Variants in UNC13B observed in about 807,000 individuals in gnomAD.
UNC13B encodes the protein unc-13 homolog B, also known as protein unc-13 homolog B.
Under a neutral mutation model 211.0 loss-of-function variants are expected in UNC13B, and 144 were observed. The ratio of observed to expected loss-of-function variants is 0.68; its 90% CI spans 0.60 to 0.78. UNC13B has a LOEUF of 0.78. Ranked by LOEUF, UNC13B falls within the 30% of genes least tolerant of loss-of-function variation. The pLI, the probability that UNC13B is intolerant of heterozygous loss-of-function variation, is 0.00. For synonymous variants in UNC13B, 709 were observed against 725.8 expected (o/e 0.98, Z 0.37); for missense variants, 1,777 against 2,002.0 (o/e 0.89, Z 2.14).
chr9:35,205,789 C>G (rs1009175724), intron 1 of UNC13B, among the ~76,000 whole-genome samples: 13 of 152,120 alleles, frequency 8.5e-5, no homozygotes, highest in Non-Finnish European at 1.9e-4. Context: ...TTTGTTTATT[C>G]ATTCATCAGT....
intron 10 of UNC13B, among the ~76,000 whole-genome samples, chr9:35,312,201 C>T (rs1830213188): frequency 6.6e-6 from 1 of 152,208 alleles, no homozygotes; most frequent in African/African-American, 2.4e-5. Context: ...AATAAAGCCT[C>T]TCACTGAAAC....
At position 35,403,188 on chromosome 9, in the gene UNC13B, T is replaced by C. The variant is rs1403628762; in HGVS notation, c.12506T>C (p.Val4169Ala). The C allele has an allele frequency of 3.1e-6, 5 of 1,613,942 alleles. No homozygotes were observed. The highest frequency in any genetic ancestry group is 3.3e-5 in the Admixed American group (2 of 60,010). Reference sequence around the variant, plus strand: ...TCAGGGTCTGGTGTGGACGATCCTGTGGGAGAAGTCTCTATTCAGGTGGAC... The same window carrying C: ...TCAGGGTCTGGTGTGGACGATCCTGCGGGAGAAGTCTCTATTCAGGTGGAC... ...TTQGSGVDDP[V>A]GEVSIQVDLF... The change falls in exon 38 of 40, where the codon GTG becomes GCG. Residue 4169 changes from valine to alanine, a missense_variant. By Grantham distance (64) the Val-to-Ala change is moderately conservative (BLOSUM62 0). Transcript: ENST00000635942.
At chr9:35,352,341 C>T in intron 11 of UNC13B, 1 of 1,232,204 alleles carries the variant, frequency 8.1e-7, no homozygotes, top group Non-Finnish European at 1.0e-6. Context: ...CCTAGGCCCA[C>T]TGTTGTGAAG....
intron 36 of UNC13B, 100 bp downstream of exon 36, chr9:35,399,829 C>A: frequency 8.6e-7 from 1 of 1,160,258 alleles, no homozygotes; most frequent in Non-Finnish European, 1.3e-6. Context: ...TCTTAACACT[C>A]CACATCCAGA....
At chr9:35,367,105 G>A (rs1833821769) in intron 12 of UNC13B, 112 bp downstream of exon 12, 2 of 1,101,372 alleles carry the variant, frequency 1.8e-6, no homozygotes, top group Non-Finnish European at 2.7e-6. Context: ...TCCTGGGGAA[G>A]GAAAAGGTTC....
intron 8 of UNC13B, among the ~76,000 whole-genome samples, chr9:35,297,913 C>T (rs1587566473): frequency 1.3e-5 from 2 of 152,010 alleles, no homozygotes; most frequent in Middle Eastern, 3.4e-3. Flanking sequence ...TGGTATATGC[C>T]GTATTTCTCC....
intron 11 of UNC13B, chr9:35,353,617 G>T: frequency 8.1e-7 from 1 of 1,232,162 alleles, no homozygotes; most frequent in South Asian, 4.1e-5. Flanking sequence ...TGGGAAGTGA[G>T]ACTTGTTCCA....
At position 35,163,500 on chromosome 9, in the gene UNC13B, G is replaced by A. The variant is rs574066695; in HGVS notation, c.22+1195G>A. On this transcript the variant is annotated intron_variant, in intron 1 of 39. Transcript: ENST00000635942. ...CTTTCATGGTTGATTTTTCATTAAT[G>A]AGAATTTTGCTTTGCTTTTAGTAAG... Among the ~76,000 whole-genome samples, 34 of 152,298 alleles carry A rather than the reference G, an allele frequency of 2.2e-4. No homozygotes were observed. In the South Asian group the frequency reaches 6.8e-3, roughly 31 times the overall value.
At chr9:35,221,628 G>A (rs1460036940) in intron 1 of UNC13B, among the ~76,000 whole-genome samples, 1 of 152,126 alleles carries the variant, frequency 6.6e-6, no homozygotes, top group Non-Finnish European at 1.5e-5. Flanking sequence ...TTGTCATGGG[G>A]TATTCAGATC....
At chr9:35,268,395 A>G (rs1376789158) in intron 7 of UNC13B, among the ~76,000 whole-genome samples, 7 of 152,146 alleles carry the variant, frequency 4.6e-5, no homozygotes, top group Non-Finnish European at 1.0e-4. Context: ...TGAGGCAGGC[A>G]GATCATGAGG....
chr9:35,253,152 C>G (rs1190778951), intron 6 of UNC13B, among the ~76,000 whole-genome samples: 1 of 151,910 alleles, frequency 6.6e-6, no homozygotes, highest in African/African-American at 2.4e-5. Flanking sequence ...TGCAATCATT[C>G]TTTTTTGGAG....
chr9:35,340,434 C>T (rs184525048), intron 11 of UNC13B, among the ~76,000 whole-genome samples: 28 of 152,290 alleles, frequency 1.8e-4, no homozygotes, highest in Admixed American at 1.8e-3. Flanking sequence ...CTTGGATAAG[C>T]CAAACAAATC....
intron 8 of UNC13B, among the ~76,000 whole-genome samples, chr9:35,297,249 C>T (rs370298662): frequency 4.6e-5 from 7 of 151,888 alleles, no homozygotes; most frequent in East Asian, 3.9e-4. Context: ...CCACCATGCC[C>T]GGCTAATTTT....
At chr9:35,324,435 G>A (rs1483446381) in intron 11 of UNC13B, among the ~76,000 whole-genome samples, 2 of 152,162 alleles carry the variant, frequency 1.3e-5, no homozygotes, top group Non-Finnish European at 2.9e-5. Flanking sequence ...CTTTATTGCA[G>A]ACTTATTTGA....
chr9:35,398,286 G>A lies in UNC13B; in HGVS notation c.11830G>A (p.Glu3944Lys), dbSNP rs773639167. ...EKMFEAMGGK[E>K]LDLEAADSLK... ...AATGTTTGAGGCCATGGGAGGCAAG[G>A]AGGTAGGTCTTAGGGTTTGGGAGTC... is the stretch of plus-strand genomic sequence containing the variant. Residue 3944 changes from glutamate to lysine, a missense_variant and splice_region_variant, in exon 31 of 40, where the codon GAG (glutamate) becomes AAG (lysine). By Grantham distance (56) the Glu-to-Lys change is moderately conservative (BLOSUM62 1). Transcript: ENST00000635942. 3 of 1,613,868 alleles carry A rather than the reference G, an allele frequency of 1.9e-6. No homozygotes were observed. The highest frequency in any genetic ancestry group is 2.7e-5 in the African/African-American group (2 of 75,036).
chr9:35,228,738 G>C (rs1032425211), intron 2 of UNC13B, among the ~76,000 whole-genome samples: 1 of 147,380 alleles, frequency 6.8e-6, no homozygotes, highest in Non-Finnish European at 1.5e-5. Flanking sequence ...GTGTGTGTGT[G>C]TGTGTGTGTG....
At chr9:35,382,041 C>T (rs1834882268) in intron 20 of UNC13B, among the ~76,000 whole-genome samples, 1 of 152,188 alleles carries the variant, frequency 6.6e-6, no homozygotes, top group South Asian at 2.1e-4. Flanking sequence ...TGCTCGTGTA[C>T]ATGTGTTTGT....
At chr9:35,174,818 C>T (rs1028050722) in intron 1 of UNC13B, among the ~76,000 whole-genome samples, 4 of 152,120 alleles carry the variant, frequency 2.6e-5, no homozygotes, top group African/African-American at 7.2e-5. Flanking sequence ...AATCTCCTGA[C>T]CTCGTGATCT....
chr9:35,255,765 T>G (rs1158725007), intron 6 of UNC13B, among the ~76,000 whole-genome samples: 1 of 152,100 alleles, frequency 6.6e-6, no homozygotes, highest in South Asian at 2.1e-4. Context: ...CAGAAGCAAT[T>G]TGGGGAGGTT....
Sources: allele counts gnomAD v4.1 joint callset (sites outside exome capture counted in the v4.1 genomes callset), GRCh38; gene constraint gnomAD v4.1.1; transcripts MANE v1.5; gene names NCBI Gene and HGNC (gene_info 2026-07-23, HGNC 2026-07-21).